NXNL2: variants seen among roughly 807,000 people sequenced by gnomAD.
NXNL2 encodes the protein nucleoredoxin-like protein 2.
NXNL2 carries 7 observed loss-of-function variants against 11.1 expected under a neutral mutation model. The ratio of observed to expected loss-of-function variants is 0.63; its 90% CI spans 0.36 to 1.18. NXNL2 has a LOEUF of 1.18. Among genes scored for constraint, NXNL2 ranks in the 50% most tolerant of loss-of-function variants. The pLI is 0.02. For missense variants in NXNL2, 233 were observed against 217.7 expected (o/e 1.07, Z -0.44); for synonymous variants, 109 against 101.8 (o/e 1.07, Z -0.42).
intron 1 of NXNL2, among the ~76,000 whole-genome samples, chr9:88,557,404 G>C (rs146168695): frequency 1.1e-4 from 17 of 152,282 alleles, no homozygotes; most frequent in African/African-American, 3.9e-4. Flanking sequence ...CCTAGTGGAG[G>C]CTCCTGCACC....
chr9:88,552,622 C>T (rs1186891987), intron 1 of NXNL2, among the ~76,000 whole-genome samples: 2 of 152,040 alleles, frequency 1.3e-5, no homozygotes, highest in Non-Finnish European at 2.9e-5. Flanking sequence ...AGGTGCCCAC[C>T]ACCACGCCCA....
Position 88,582,016 on chromosome 9 carries a change from C to CA in NXNL2, n.552-1982dup, listed in dbSNP as rs369018970. ...GGACTTCGGCTTCCTCTCCTGTCAC[C>CA]ACTCCCCACCCCAGAGCTCATTCGG... On this transcript the variant is annotated intron_variant and non_coding_transcript_variant, in intron 1 of 1. Transcript: ENST00000478686. 3.2e-3 allele frequency among the ~76,000 whole-genome samples: 484 copies of CA among 152,266 alleles called. 1 individual carries two copies. Among genetic ancestry groups the CA allele is most frequent in the African/African-American group, 0.011 (448 of 41,534 alleles).
chr9:88,555,582 C>G (rs1199336969), intron 1 of NXNL2, among the ~76,000 whole-genome samples: 1 of 152,194 alleles, frequency 6.6e-6, no homozygotes, highest in Non-Finnish European at 1.5e-5. Flanking sequence ...GAAACAAGTC[C>G]TTGCAAACTC....
At chr9:88,577,116 G>A (rs1310332832), downstream of NXNL2, among the ~76,000 whole-genome samples, 1 of 152,170 alleles carries the variant, frequency 6.6e-6, no homozygotes, top group Middle Eastern at 3.2e-3. Context: ...GCTGAAACAG[G>A]TTGAAGCACA....
intron 1 of NXNL2, among the ~76,000 whole-genome samples, chr9:88,561,929 G>A (rs189428973): frequency 7.2e-5 from 11 of 152,290 alleles, no homozygotes; most frequent in Non-Finnish European, 1.2e-4. Flanking sequence ...CCGAAAAATT[G>A]CACATCTAGG....
downstream of NXNL2, among the ~76,000 whole-genome samples, chr9:88,545,394 G>T (rs189474474): frequency 6.6e-6 from 1 of 152,184 alleles, no homozygotes; most frequent in African/African-American, 2.4e-5. Context: ...TGAAAATACC[G>T]ATACCCATCT....
intron 1 of NXNL2, among the ~76,000 whole-genome samples, chr9:88,582,325 T>C (rs191945036): frequency 0.05 from 7,638 of 151,950 alleles, 601 homozygotes; most frequent in African/African-American, 0.17. Flanking sequence ...AAAAATTAGC[T>C]GGGCATGGTG....
intron 1 of NXNL2, among the ~76,000 whole-genome samples, chr9:88,558,117 G>T (rs1263192267): frequency 6.6e-6 from 1 of 152,178 alleles, no homozygotes; most frequent in Non-Finnish European, 1.5e-5. Context: ...TCAGGATGGG[G>T]CTGGTTCCCA....
intron 1 of NXNL2, among the ~76,000 whole-genome samples, chr9:88,550,381 C>T (rs1245222901): frequency 6.6e-6 from 1 of 152,182 alleles, no homozygotes; most frequent in Non-Finnish European, 1.5e-5. Flanking sequence ...ATGGTGATGG[C>T]AGTGAGAGAA....
chr9:88,562,430 T>C (rs1830097243), intron 1 of NXNL2, among the ~76,000 whole-genome samples: 1 of 151,632 alleles, frequency 6.6e-6, no homozygotes, highest in Non-Finnish European at 1.5e-5. Context: ...AACTTTCAAA[T>C]AAAAAATGAA....
intron 1 of NXNL2, among the ~76,000 whole-genome samples, chr9:88,543,202 A>G (rs1202168894): frequency 6.6e-6 from 1 of 152,200 alleles, no homozygotes; most frequent in Non-Finnish European, 1.5e-5. Flanking sequence ...CAATTGGTGC[A>G]TCACTGAATT....
chr9:88,535,837 C>CA lies in NXNL2; in HGVS notation c.302+101_302+102insA, dbSNP rs1244916933. On this transcript the variant is annotated intron_variant, in intron 1 of 1. Transcript: ENST00000375854. Reference sequence around the variant, plus strand: ...CTGGGGAGCTCTTTATGACGCCCCCCCCCAACACCTCCCCGTCTCTCGGTT... The same window carrying CA: ...CTGGGGAGCTCTTTATGACGCCCCCCACCCAACACCTCCCCGTCTCTCGGTT... 5 of 875,604 alleles carry CA rather than the reference C, an allele frequency of 5.7e-6. No homozygotes were observed. In the Admixed American group the frequency reaches 8.8e-5, roughly 15 times the overall value. 54.2% of individuals were successfully genotyped at this position (875,604 alleles called of 1,614,324 possible).
At chr9:88,568,366 G>T (rs1273866868) in intron 1 of NXNL2, among the ~76,000 whole-genome samples, 1 of 152,206 alleles carries the variant, frequency 6.6e-6, no homozygotes, top group Non-Finnish European at 1.5e-5. Context: ...TCACATGGCT[G>T]TACTTGAGTA....
intron 1 of NXNL2, among the ~76,000 whole-genome samples, chr9:88,562,665 T>C (rs796835569): frequency 1.3e-4 from 20 of 151,402 alleles, no homozygotes; most frequent in African/African-American, 4.9e-4. Flanking sequence ...GGTAGGAGAA[T>C]CACTTGAACC....
At chr9:88,576,620 G>A (rs1306071908), downstream of NXNL2, among the ~76,000 whole-genome samples, 3 of 152,164 alleles carry the variant, frequency 2.0e-5, no homozygotes, top group Non-Finnish European at 2.9e-5. Flanking sequence ...ATGGAGGTGC[G>A]GGAGGGGCAG....
downstream of NXNL2, among the ~76,000 whole-genome samples, chr9:88,547,632 C>T (rs1051648152): frequency 1.2e-4 from 19 of 152,190 alleles, no homozygotes; most frequent in African/African-American, 4.6e-4. Context: ...TGAAAAGAGC[C>T]TCTGTTTTAG....
chr9:88,542,947 ATTACTG>A (rs1829789931), intron 1 of NXNL2, among the ~76,000 whole-genome samples: 3 of 152,106 alleles, frequency 2.0e-5, no homozygotes, highest in Admixed American at 1.3e-4. Flanking sequence ...AGGAAATCCG[ATTACTG>A]TCACTGTGAG....
chr9:88,567,305 A>G (rs1830190619), intron 1 of NXNL2, among the ~76,000 whole-genome samples: 1 of 151,972 alleles, frequency 6.6e-6, no homozygotes, highest in Non-Finnish European at 1.5e-5. Flanking sequence ...TCCCCAGCTA[A>G]TTTTTGTATT....
At chr9:88,549,934 C>T (rs1422475328), downstream of NXNL2, among the ~76,000 whole-genome samples, 1 of 152,098 alleles carries the variant, frequency 6.6e-6, no homozygotes. Flanking sequence ...AAGTGATCCT[C>T]CTGCCTCAGC....
Sources: gnomAD v4.1 joint callset for allele counts (sites outside exome capture counted in the v4.1 genomes callset) on GRCh38, gnomAD v4.1.1 for gene constraint, MANE v1.5 for transcripts, NCBI Gene and HGNC (gene_info 2026-07-23, HGNC 2026-07-21) for gene names.